The following ATRNL1 variants were observed in gnomAD, a reference collection of about 807,000 sequenced individuals.
The protein encoded by ATRNL1 is attractin like 1, also known as attractin-like protein 1.
A neutral mutation model predicts 182.7 loss-of-function variants in ATRNL1; 95 were observed. That is an observed-to-expected ratio of 0.52 (90% CI 0.44 to 0.62). The LOEUF is 0.62. Among genes scored for constraint, ATRNL1 ranks in the 20% least tolerant of loss-of-function variants. The pLI is 0.00. For synonymous variants in ATRNL1, 576 were observed against 568.3 expected (o/e 1.01, Z -0.19); for missense variants, 1,471 against 1,679.5 (o/e 0.88, Z 2.17).
intron 20 of ATRNL1, among the ~76,000 whole-genome samples, chr10:115,425,902 G>C (rs149814495): frequency 2.8e-4 from 42 of 152,080 alleles, no homozygotes; most frequent in African/African-American, 9.2e-4. Context: ...AAATATCTCT[G>C]TATCTTATTT....
At chr10:115,803,286 T>G (rs1949841287) in intron 27 of ATRNL1, among the ~76,000 whole-genome samples, 1 of 152,064 alleles carries the variant, frequency 6.6e-6, no homozygotes, top group East Asian at 1.9e-4. Flanking sequence ...TCAATAAAAT[T>G]TATGTTAATA....
At chr10:115,757,369 C>T (rs1948617678) in intron 27 of ATRNL1, among the ~76,000 whole-genome samples, 1 of 152,126 alleles carries the variant, frequency 6.6e-6, no homozygotes, top group Non-Finnish European at 1.5e-5. Flanking sequence ...GACAAAATCT[C>T]TCAGCATTTG....
intron 18 of ATRNL1, among the ~76,000 whole-genome samples, chr10:115,333,015 C>G (rs1003538269): frequency 1.3e-5 from 2 of 152,112 alleles, no homozygotes; most frequent in Non-Finnish European, 1.5e-5. Flanking sequence ...TCTGTCTGGC[C>G]AAGGCATGGT....
At chr10:115,590,119 G>A (rs1255080491) in intron 26 of ATRNL1, among the ~76,000 whole-genome samples, 3 of 152,138 alleles carry the variant, frequency 2.0e-5, no homozygotes, top group African/African-American at 7.2e-5. Flanking sequence ...CTGAATTGTA[G>A]AGCCTGATCG....
intron 28 of ATRNL1, among the ~76,000 whole-genome samples, chr10:115,899,185 C>A (rs539483419): frequency 9.9e-5 from 15 of 152,010 alleles, no homozygotes; most frequent in Non-Finnish European, 1.8e-4. Flanking sequence ...CAATTCCCAT[C>A]TATGGTGTTC....
chr10:115,553,804 A>C (rs975366067), intron 26 of ATRNL1, among the ~76,000 whole-genome samples: 2 of 151,488 alleles, frequency 1.3e-5, no homozygotes, highest in African/African-American at 4.8e-5. Context: ...GTACTTTAAT[A>C]ATGACATTTT....
intron 21 of ATRNL1, among the ~76,000 whole-genome samples, chr10:115,431,589 A>G (rs1016395945): frequency 1.4e-4 from 21 of 152,008 alleles, no homozygotes; most frequent in Non-Finnish European, 2.8e-4. Context: ...TATTCCCTTT[A>G]CTACTTTTAT....
At chr10:115,834,148 AC>A (rs1555094656) in intron 27 of ATRNL1, among the ~76,000 whole-genome samples, 1 of 151,956 alleles carries the variant, frequency 6.6e-6, no homozygotes, top group African/African-American at 2.4e-5. Context: ...CATACCCCAC[AC>A]CTTTAGTCCA....
intron 26 of ATRNL1, among the ~76,000 whole-genome samples, chr10:115,723,096 G>A (rs546478022): frequency 6.6e-6 from 1 of 152,196 alleles, no homozygotes; most frequent in Admixed American, 6.5e-5. Context: ...AACAAAAATA[G>A]GCTTTTGCCT....
At chr10:115,850,507 C>A (rs913677803) in intron 28 of ATRNL1, among the ~76,000 whole-genome samples, 1 of 152,092 alleles carries the variant, frequency 6.6e-6, no homozygotes, top group African/African-American at 2.4e-5. Flanking sequence ...GAAATATATC[C>A]CAGTGATTAT....
At position 115,628,384 on chromosome 10, in the gene ATRNL1, A is replaced by G. The variant is rs115089674; in HGVS notation, c.3795+78848A>G. On this transcript the variant is annotated intron_variant, in intron 26 of 28. Transcript: ENST00000355044. Reference sequence around the variant, plus strand: ...GCCATTTGTATATCTTTTTTGGAGAAACGTCTATTCAAGTTCTTTGCCCAT... The same window carrying G: ...GCCATTTGTATATCTTTTTTGGAGAGACGTCTATTCAAGTTCTTTGCCCAT... Among the ~76,000 whole-genome samples the G allele has an allele frequency of 2.6e-3, 396 of 152,108 alleles. 1 individual carries two copies. Among genetic ancestry groups the G allele is most frequent in the African/African-American group, 9.0e-3 (372 of 41,498 alleles).
chr10:115,284,409 GT>G (rs1426079535), intron 14 of ATRNL1, among the ~76,000 whole-genome samples: 1 of 152,168 alleles, frequency 6.6e-6, no homozygotes, highest in Non-Finnish European at 1.5e-5. Context: ...GTAAGGAAAA[GT>G]TTTTTGGTAT....
intron 28 of ATRNL1, among the ~76,000 whole-genome samples, chr10:115,868,510 C>T (rs1334807970): frequency 6.6e-6 from 1 of 152,190 alleles, no homozygotes; most frequent in Non-Finnish European, 1.5e-5. Context: ...ACAGTATCCT[C>T]TATGTCCAGC....
At chr10:115,862,776 C>T (rs1386021100) in intron 28 of ATRNL1, among the ~76,000 whole-genome samples, 2 of 152,056 alleles carry the variant, frequency 1.3e-5, no homozygotes, top group African/African-American at 4.8e-5. Flanking sequence ...TTTTTGTAAT[C>T]ACAAAATGTT....
chr10:115,255,441 C>G (rs1176086163), intron 10 of ATRNL1, among the ~76,000 whole-genome samples: 1 of 151,492 alleles, frequency 6.6e-6, no homozygotes, highest in Admixed American at 6.6e-5. Context: ...CTCTGTTTGT[C>G]TGTTAATGGT....
At chr10:115,742,344 A>G (rs1200969867) in intron 27 of ATRNL1, among the ~76,000 whole-genome samples, 1 of 152,152 alleles carries the variant, frequency 6.6e-6, no homozygotes, top group Non-Finnish European at 1.5e-5. Context: ...TTAATTTTAG[A>G]AAGATGAAAA....
intron 25 of ATRNL1, among the ~76,000 whole-genome samples, chr10:115,532,928 G>T (rs536826918): frequency 6.6e-6 from 1 of 150,912 alleles, no homozygotes; most frequent in Non-Finnish European, 1.5e-5. Context: ...ATTGATTTGC[G>T]TATATTGAAC....
intron 27 of ATRNL1, among the ~76,000 whole-genome samples, chr10:115,733,827 C>A (rs1207513578): frequency 6.6e-6 from 1 of 151,842 alleles, no homozygotes; most frequent in Non-Finnish European, 1.5e-5. Flanking sequence ...AAGAATACAT[C>A]CTCATTATAG....
At chr10:115,795,570 T>A (rs890855625) in intron 27 of ATRNL1, among the ~76,000 whole-genome samples, 34 of 152,118 alleles carry the variant, frequency 2.2e-4, no homozygotes, top group African/African-American at 7.7e-4. Context: ...TGGCTCATGG[T>A]TCTGTGTGCT....
Sources: gnomAD v4.1 joint callset for allele counts (sites outside exome capture counted in the v4.1 genomes callset) on GRCh38, gnomAD v4.1.1 for gene constraint, MANE v1.5 for transcripts, NCBI Gene and HGNC (gene_info 2026-07-23, HGNC 2026-07-21) for gene names.